FRMPD4: variants seen among roughly 807,000 people sequenced by gnomAD.
The protein encoded by FRMPD4 is FERM and PDZ domain containing 4.
In FRMPD4, 22 loss-of-function variants were observed where a neutral mutation model predicts 94.1. That is an observed-to-expected ratio of 0.23 (90% confidence interval 0.17 to 0.33). The LOEUF is 0.33. Among genes scored for constraint, FRMPD4 ranks in the 10% least tolerant of loss-of-function variants. The pLI is 1.00. For synonymous variants in FRMPD4, 631 were observed against 548.6 expected (o/e 1.15, Z -2.10); for missense variants, 1,111 against 1,339.9 (o/e 0.83, Z 2.67).
At chrX:12,397,264 A>ATTT (rs2056554339) in intron 1 of FRMPD4, among the ~76,000 whole-genome samples, 2 of 108,442 alleles carry the variant, frequency 1.8e-5, no homozygotes, top group African/African-American at 3.3e-5. Flanking sequence ...CTTTTTTTTA[A>ATTT]AAAAAAAAAT....
Position 12,132,962 on chromosome X carries a change from T to C in FRMPD4, c.95+254944T>C, listed in dbSNP as rs747656052. ...AGGAGATGTGGTGGGAATTAAGAAA[T>C]ATTTTAAAGGTTGGATAAAGAGCAT... On this transcript the variant is annotated intron_variant, in intron 3 of 18. Coordinates refer to the FRMPD4 transcript ENST00000640291. Among the ~76,000 whole-genome samples, 3 of 109,902 alleles carry C rather than the reference T, an allele frequency of 2.7e-5. No individual in the cohort carries two copies. The East Asian group carries it at 8.6e-4, about 32-fold the overall frequency.
At chrX:11,974,710 G>A (rs1042751207) in intron 3 of FRMPD4, among the ~76,000 whole-genome samples, 1 of 112,069 alleles carries the variant, frequency 8.9e-6, no homozygotes, top group Non-Finnish European at 1.9e-5. Flanking sequence ...CTTGATGAGT[G>A]TAGGACATTG....
rs180900145 is a variant in FRMPD4, at chrX:11,868,520, G to C, written c.-30+3304G>C. Among the ~76,000 whole-genome samples, 60 of 109,482 alleles carry C rather than the reference G, an allele frequency of 5.5e-4. 1 individual carries two copies. Among genetic ancestry groups the C allele is most frequent in the East Asian group, 4.0e-3 (14 of 3,476 alleles). On this transcript the variant is annotated intron_variant, in intron 2 of 18. Coordinates refer to the FRMPD4 transcript ENST00000640291. ...GTCCTGTAGGCAATTTCCATGATTA[G>C]AAATTTGATTTCCAACTGGAGATGT...
chrX:12,219,814 T>C (rs2056844111), intron 1 of FRMPD4, among the ~76,000 whole-genome samples: 1 of 111,962 alleles, frequency 8.9e-6, no homozygotes, highest in South Asian at 3.7e-4. Context: ...TTTTAATATA[T>C]AAGGCAAGTT....
chrX:11,991,872 G>T (rs998791009), intron 3 of FRMPD4, among the ~76,000 whole-genome samples: 5 of 112,121 alleles, frequency 4.5e-5, no homozygotes, highest in African/African-American at 1.3e-4. Flanking sequence ...CGTTGATAAA[G>T]CACGTATCTT....
chrX:12,284,689 G>T (rs2054574503), intron 1 of FRMPD4, among the ~76,000 whole-genome samples: 1 of 111,814 alleles, frequency 8.9e-6, no homozygotes, highest in Non-Finnish European at 1.9e-5. Context: ...AGCATGTGAA[G>T]ATGTCGTCCT....
chrX:12,040,384 T>C (rs1199542016), intron 3 of FRMPD4, among the ~76,000 whole-genome samples: 2 of 107,696 alleles, frequency 1.9e-5, no homozygotes, highest in Non-Finnish European at 3.8e-5. Context: ...TTACCATTTG[T>C]ATGGTTTGTC....
intron 1 of FRMPD4, among the ~76,000 whole-genome samples, chrX:11,827,931 C>A (rs1462705060): frequency 9.0e-6 from 1 of 111,693 alleles, no homozygotes; most frequent in Non-Finnish European, 1.9e-5. Context: ...TAAACAGGGA[C>A]CAATGCTCCT....
At chrX:12,257,526 C>T (rs1006689547) in intron 1 of FRMPD4, among the ~76,000 whole-genome samples, 5 of 110,206 alleles carry the variant, frequency 4.5e-5, no homozygotes, top group Non-Finnish European at 9.5e-5. Context: ...TTTTTTTTCT[C>T]TTCTGATTTT....
chrX:12,370,237 G>A (rs1337581240), intron 1 of FRMPD4, among the ~76,000 whole-genome samples: 3 of 111,944 alleles, frequency 2.7e-5, no homozygotes, highest in Non-Finnish European at 5.6e-5. Flanking sequence ...TTGGGAGGCC[G>A]AGGCAGGAGG....
intron 1 of FRMPD4, among the ~76,000 whole-genome samples, chrX:12,348,449 C>G (rs1460926123): frequency 9.0e-6 from 1 of 110,822 alleles, no homozygotes; most frequent in African/African-American, 3.3e-5. Flanking sequence ...ATGGGGGCTC[C>G]CTGGGAATTC....
intron 1 of FRMPD4, among the ~76,000 whole-genome samples, chrX:12,431,930 A>G (rs1435676280): frequency 8.9e-6 from 1 of 111,923 alleles, no homozygotes; most frequent in Admixed American, 9.5e-5. Context: ...AATTCTGCCA[A>G]GGAGAAACTA....
At chrX:11,931,916 G>A (rs1009545555) in intron 3 of FRMPD4, among the ~76,000 whole-genome samples, 5 of 111,888 alleles carry the variant, frequency 4.5e-5, no homozygotes, top group African/African-American at 9.8e-5. Context: ...CATTTCTAAG[G>A]GACCTTAAAA....
intron 3 of FRMPD4, among the ~76,000 whole-genome samples, chrX:12,048,601 A>G (rs1437472647): frequency 9.0e-6 from 1 of 111,662 alleles, no homozygotes; most frequent in Non-Finnish European, 1.9e-5. Context: ...TTTTTCTTCT[A>G]GGTTCTTATA....
At chrX:12,554,912 G>A (rs754408603) in intron 2 of FRMPD4, among the ~76,000 whole-genome samples, 1 of 111,457 alleles carries the variant, frequency 9.0e-6, no homozygotes, top group Non-Finnish European at 1.9e-5. Context: ...ACCATGCCTG[G>A]TCATGTATGT....
At chrX:12,687,102 T>C (rs748168899) in intron 7 of FRMPD4, among the ~76,000 whole-genome samples, 1 of 112,015 alleles carries the variant, frequency 8.9e-6, no homozygotes, top group African/African-American at 3.2e-5. Flanking sequence ...TTAATCAGCA[T>C]AGACCTCACA....
chrX:12,335,211 C>T (rs1166661998), intron 1 of FRMPD4, among the ~76,000 whole-genome samples: 1 of 109,535 alleles, frequency 9.1e-6, no homozygotes, highest in East Asian at 2.9e-4. Flanking sequence ...ACAGCAGCCT[C>T]GACCGCCCAG....
chrX:12,588,695 A>G lies in FRMPD4; in HGVS notation c.159-21026A>G, dbSNP rs149869080. Among the ~76,000 whole-genome samples, 611 of 112,019 alleles carry G rather than the reference A, an allele frequency of 5.5e-3. 4 individuals are homozygous for G. Among genetic ancestry groups the G allele is most frequent in the African/African-American group, 0.019 (585 of 30,874 alleles). On this transcript the variant is annotated intron_variant, in intron 2 of 16. Transcript: ENST00000675598. ...ATATAGACAAGCCAATATATTTCCA[A>G]TTCACTGTATCCCTTTTGTAATGAA...
chrX:12,118,272 T>C (rs1340915429), intron 3 of FRMPD4, among the ~76,000 whole-genome samples: 2 of 111,580 alleles, frequency 1.8e-5, no homozygotes, highest in Non-Finnish European at 3.8e-5. Flanking sequence ...AACTCTCTTC[T>C]TCAAGAGCCA....
Sources: gnomAD v4.1 joint callset for allele counts (sites outside exome capture counted in the v4.1 genomes callset) on GRCh38, gnomAD v4.1.1 for gene constraint, MANE v1.5 for transcripts, NCBI Gene and HGNC (gene_info 2026-07-23, HGNC 2026-07-21) for gene names.